The following CEP350 variants were observed in gnomAD, a reference collection of about 807,000 sequenced individuals.
CEP350 encodes centrosomal protein 350.
Under a neutral mutation model 331.8 loss-of-function variants are expected in CEP350, and 126 were observed. That is an observed-to-expected ratio of 0.38 (90% CI 0.33 to 0.44). The LOEUF is 0.44. CEP350 is among the 20% of genes least tolerant of loss of function. CEP350 has a pLI of 1.00. For synonymous variants in CEP350, 1,200 were observed against 1,259.5 expected (o/e 0.95, Z 1.00); for missense variants, 3,406 against 3,634.6 (o/e 0.94, Z 1.62).
chr1:180,054,161 T>C (rs959775693), intron 24 of CEP350, among the ~76,000 whole-genome samples: 1 of 152,234 alleles, frequency 6.6e-6, no homozygotes, highest in Non-Finnish European at 1.5e-5. Context: ...TGTAATCTTA[T>C]GTTGTCATAT....
intron 26 of CEP350, 123 bp downstream of exon 26, chr1:180,062,489 G>C (rs761269887): frequency 2.4e-6 from 3 of 1,230,938 alleles, no homozygotes; most frequent in Admixed American, 3.5e-5. Flanking sequence ...CTAGGATAAA[G>C]TTCTATGGAT....
intron 37 of CEP350, among the ~76,000 whole-genome samples, chr1:180,107,691 C>A (rs1306352775): frequency 6.6e-6 from 1 of 152,078 alleles, no homozygotes; most frequent in Non-Finnish European, 1.5e-5. Context: ...ATCCACCTAA[C>A]CTGTCTCTTT....
At chr1:180,072,655 T>G (rs1458744367) in intron 27 of CEP350, among the ~76,000 whole-genome samples, 1 of 152,208 alleles carries the variant, frequency 6.6e-6, no homozygotes, top group South Asian at 2.1e-4. Context: ...TTTGCGTGTG[T>G]GTATGTGTGT....
intron 5 of CEP350, among the ~76,000 whole-genome samples, chr1:179,994,431 TTTTTC>T (rs941938162): frequency 7.3e-5 from 11 of 151,506 alleles, no homozygotes; most frequent in African/African-American, 2.7e-4. Flanking sequence ...ATCTCTTTCT[TTTTTC>T]TTTTCTTTTT....
At chr1:180,079,223 C>CTT (rs34003535) in intron 29 of CEP350, among the ~76,000 whole-genome samples, 271 of 146,202 alleles carry the variant, frequency 1.9e-3, no homozygotes, top group African/African-American at 6.0e-3. Context: ...AAACTTAACT[C>CTT]TTTTTTTTTT....
chr1:179,993,713 G>T (rs1165257859), intron 5 of CEP350, among the ~76,000 whole-genome samples: 2 of 152,108 alleles, frequency 1.3e-5, no homozygotes, highest in Non-Finnish European at 2.9e-5. Context: ...AAAGTGCTTG[G>T]ATTACAGTTG....
chr1:180,052,104 T>C lies in CEP350; in HGVS notation c.4793-866T>C, dbSNP rs1050746828. On this transcript the variant is annotated intron_variant, in intron 22 of 37. Coordinates refer to ENST00000367607, the MANE Select transcript of CEP350 (RefSeq NM_014810.5). ...CTATGTGCACACACGTATACATGGA[T>C]TAATATACATCCATATATTACCTAG... 7 of 404,716 alleles carry C rather than the reference T, an allele frequency of 1.7e-5. No individual in the cohort carries two copies. In the Admixed American group the frequency reaches 2.1e-4, roughly 12 times the overall value. The allele number at this position is 404,716 out of a possible 1,614,324, so 25.1% of individuals were successfully genotyped here.
chr1:180,032,392 T>G (rs1347803737), intron 15 of CEP350, among the ~76,000 whole-genome samples: 3 of 152,132 alleles, frequency 2.0e-5, no homozygotes, highest in Non-Finnish European at 2.9e-5. Flanking sequence ...ATTTTTTTTC[T>G]TTGTCAGTGA....
intron 29 of CEP350, among the ~76,000 whole-genome samples, chr1:180,080,185 T>C (rs1659479018): frequency 6.6e-6 from 1 of 152,208 alleles, no homozygotes; most frequent in Admixed American, 6.5e-5. Flanking sequence ...TGAGTATTTT[T>C]AAAATTAAAA....
intron 3 of CEP350, among the ~76,000 whole-genome samples, chr1:179,988,272 G>A (rs1260609026): frequency 6.6e-6 from 1 of 151,142 alleles, no homozygotes; most frequent in East Asian, 1.9e-4. Flanking sequence ...ATTCTAGCCT[G>A]GGCGACAGAG....
intron 12 of CEP350, among the ~76,000 whole-genome samples, chr1:180,021,529 G>T (rs1243969221): frequency 6.6e-6 from 1 of 152,046 alleles, no homozygotes; most frequent in Non-Finnish European, 1.5e-5. Flanking sequence ...GTGGTGGCAT[G>T]CACCTGTAAT....
intron 1 of CEP350, among the ~76,000 whole-genome samples, chr1:179,958,707 A>C (rs1650357991): frequency 6.6e-6 from 1 of 152,224 alleles, no homozygotes; most frequent in Non-Finnish European, 1.5e-5. Flanking sequence ...TGAGAATTAA[A>C]TGAGTTAACA....
chr1:179,968,332 C>CAAA (rs397861084), intron 1 of CEP350, among the ~76,000 whole-genome samples: 1 of 88,422 alleles, frequency 1.1e-5, no homozygotes. Flanking sequence ...ACTCTGTCTC[C>CAAA]AAAAAAAAAA....
rs1270931146 is a variant in CEP350 at position 180,062,248 on chromosome 1, A to G, written c.5291A>G (p.Asn1764Ser). 9.3e-6 allele frequency: 15 copies of G among 1,610,210 alleles called. No individual in the cohort carries two copies. The highest frequency in any genetic ancestry group is 4.5e-5 in the East Asian group (2 of 44,830). The change falls in exon 26 of 38, where the codon AAT (asparagine) becomes AGT (serine). Residue 1764 changes from asparagine (N) to serine (S), a missense_variant. Coordinates refer to ENST00000367607, the MANE Select transcript of CEP350 (RefSeq NM_014810.5). ...KAEIKRLQEA[N>S]KAARKERQLI... is the part of the protein sequence containing the mutation. ...GAAATAAAACGTCTTCAAGAAGCCA[A>G]TAAGGCAGCTCGGAAGGAAAGACAG...
At chr1:180,090,660 T>TA in intron 32 of CEP350, 54 bp from the exon 33 acceptor site, 1 of 1,459,840 alleles carries the variant, frequency 6.9e-7, no homozygotes, top group South Asian at 1.4e-5. Context: ...TGCTTTTTGT[T>TA]ACCAGTTATT....
intron 14 of CEP350, among the ~76,000 whole-genome samples, chr1:180,028,708 G>A (rs1655828150): frequency 2.0e-5 from 3 of 151,998 alleles, no homozygotes; most frequent in Non-Finnish European, 4.4e-5. Flanking sequence ...AGAGGCTCAG[G>A]TGGGAGGATC....
At chr1:179,989,372 A>AT (rs1652885758) in intron 3 of CEP350, among the ~76,000 whole-genome samples, 1 of 151,044 alleles carries the variant, frequency 6.6e-6, no homozygotes, top group Non-Finnish European at 1.5e-5. Flanking sequence ...AGTCCCAGCT[A>AT]TTTGGGAGGC....
intron 37 of CEP350, among the ~76,000 whole-genome samples, chr1:180,101,298 A>G (rs1295393287): frequency 6.6e-6 from 1 of 151,604 alleles, no homozygotes. Flanking sequence ...TTTTTTTTTT[A>G]ACAAAATGAT....
At chr1:180,001,519 A>G (rs933049643) in intron 6 of CEP350, among the ~76,000 whole-genome samples, 2 of 152,200 alleles carry the variant, frequency 1.3e-5, no homozygotes, top group Admixed American at 1.3e-4. Flanking sequence ...TCAGCCTCCC[A>G]AAGTGCTGGG....
Sources: gnomAD v4.1 joint callset for allele counts (sites outside exome capture counted in the v4.1 genomes callset) on GRCh38, gnomAD v4.1.1 for gene constraint, MANE v1.5 for transcripts, NCBI Gene and HGNC (gene_info 2026-07-23, HGNC 2026-07-21) for gene names.